ABCB4: variants seen among roughly 807,000 people sequenced by gnomAD.
The protein encoded by ABCB4 is ATP binding cassette subfamily B member 4, also known as phosphatidylcholine translocator ABCB4.
Under a neutral mutation model 145.7 loss-of-function variants are expected in ABCB4, and 76 were observed. The observed-to-expected ratio is 0.52, with a 90% confidence interval of 0.43 to 0.63. The LOEUF (loss-of-function observed/expected upper bound fraction) is 0.63, where lower values mean the gene tolerates loss of function less well. Among genes scored for constraint, ABCB4 ranks in the 30% least tolerant of loss-of-function variants. ABCB4 has a pLI of 0.00. For missense variants in ABCB4, 1,234 were observed against 1,553.1 expected, an observed-to-expected ratio of 0.79 and a Z score of 3.45; for synonymous variants, 517 against 566.8, an observed-to-expected ratio of 0.91 and a Z score of 1.25.
intron 3 of ABCB4, among the ~76,000 whole-genome samples, chr7:87,466,245 G>C (rs561939009): frequency 6.6e-6 from 1 of 152,308 alleles, no homozygotes; most frequent in South Asian, 2.1e-4. Flanking sequence ...AGAACTATGT[G>C]ACGAAAGCAC....
rs915137121 is a variant in ABCB4 at position 87,443,922 on chromosome 7, T to C, written c.1120-149A>G. ...AAACCCAAGATGAAGATTGTGTGTA[T>C]ATGTATGTGTGCTGTTTAAAGAAAT... On this transcript the variant is annotated intron_variant, in intron 10 of 27. Coordinates refer to ENST00000649586, the MANE Select transcript of ABCB4 (RefSeq NM_000443.4). 4 of 682,806 alleles carry C rather than the reference T, an allele frequency of 5.9e-6. No homozygotes were observed. The East Asian group carries it at 8.2e-5, about 14-fold the overall frequency. The allele number at this position is 682,806 out of a possible 1,614,324, so 42.3% of individuals were successfully genotyped here. A position where few individuals can be genotyped will look rare whatever the true frequency, so the allele number is the denominator to read the frequency against.
intron 23 of ABCB4, 58 bp from the exon 24 acceptor site, chr7:87,409,450 G>A: frequency 5.7e-6 from 9 of 1,574,202 alleles, no homozygotes; most frequent in Non-Finnish European, 7.8e-6. Context: ...CATGATGTTT[G>A]AAAGTCTAAA....
chr7:87,405,648 A>G (rs1034586938), intron 26 of ABCB4, among the ~76,000 whole-genome samples: 1 of 152,090 alleles, frequency 6.6e-6, no homozygotes, highest in African/African-American at 2.4e-5. Context: ...GATGGTCTCA[A>G]TCTCCTGACC....
chr7:87,389,041 A>G, the ABCB4 span, among the ~76,000 whole-genome samples: 1 of 152,270 alleles, frequency 6.6e-6, no homozygotes, highest in African/African-American at 2.4e-5. Flanking sequence ...ATCACTAGTC[A>G]TTAGAGAAAT....
At chr7:87,443,572 C>G in intron 11 of ABCB4, 91 bp downstream of exon 11, 1 of 1,522,916 alleles carries the variant, frequency 6.6e-7, no homozygotes, top group South Asian at 1.1e-5. Context: ...GGAAAAGGCA[C>G]ATAAGTATCA....
At chr7:87,458,787 A>G (rs987648098) in intron 4 of ABCB4, among the ~76,000 whole-genome samples, 1 of 152,176 alleles carries the variant, frequency 6.6e-6, no homozygotes, top group African/African-American at 2.4e-5. Context: ...ACATGGCTAC[A>G]GGGTACCAAG....
At chr7:87,377,739 C>T in the ABCB4 span, among the ~76,000 whole-genome samples, 2 of 151,902 alleles carry the variant, frequency 1.3e-5, no homozygotes, top group African/African-American at 4.8e-5. Flanking sequence ...GCTGAGAATA[C>T]CTATTTCAAA....
chr7:87,445,757 A>G (rs1811302612), intron 9 of ABCB4, among the ~76,000 whole-genome samples: 1 of 152,214 alleles, frequency 6.6e-6, no homozygotes, highest in African/African-American at 2.4e-5. Flanking sequence ...TCTATCCCCC[A>G]TCTGCAATAC....
the ABCB4 span, among the ~76,000 whole-genome samples, chr7:87,373,815 C>CA: frequency 1.7e-3 from 253 of 151,994 alleles, 2 homozygotes; most frequent in Admixed American, 5.0e-3. Flanking sequence ...AAGACACATT[C>CA]AGCAGTGTAA....
intron 8 of ABCB4, among the ~76,000 whole-genome samples, chr7:87,449,502 C>G (rs1811565023): frequency 6.6e-6 from 1 of 151,122 alleles, no homozygotes. Flanking sequence ...GGCTGGAGTT[C>G]AGCTCACTGC....
chr7:87,378,832 GT>G, the ABCB4 span, among the ~76,000 whole-genome samples: 1 of 152,138 alleles, frequency 6.6e-6, no homozygotes, highest in Non-Finnish European at 1.5e-5. Flanking sequence ...GTGGTGCTTG[GT>G]TGCCTAAAGA....
At chr7:87,468,904 C>G (rs1813133962) in intron 3 of ABCB4, among the ~76,000 whole-genome samples, 1 of 101,908 alleles carries the variant, frequency 9.8e-6, no homozygotes, top group Non-Finnish European at 1.9e-5. Flanking sequence ...ACAGTCCGGC[C>G]TGGGCGAAAC....
chr7:87,410,610 T>G (rs1808551866), intron 23 of ABCB4, among the ~76,000 whole-genome samples: 1 of 152,230 alleles, frequency 6.6e-6, no homozygotes, highest in Non-Finnish European at 1.5e-5. Flanking sequence ...ATACAATAAA[T>G]AGTTGTACTC....
At chr7:87,430,205 TA>T (rs1162907411) in intron 15 of ABCB4, among the ~76,000 whole-genome samples, 4 of 152,146 alleles carry the variant, frequency 2.6e-5, no homozygotes, top group African/African-American at 9.7e-5. Flanking sequence ...ACCAAATATC[TA>T]ACTTTAGAAA....
intron 21 of ABCB4, 80 bp from the exon 22 acceptor site, chr7:87,413,797 A>C (rs1336334011): frequency 1.1e-5 from 11 of 963,044 alleles, no homozygotes; most frequent in Non-Finnish European, 1.9e-5. Flanking sequence ...GGGCTCTGTC[A>C]AAAGTATCCT....
intron 3 of ABCB4, among the ~76,000 whole-genome samples, chr7:87,466,084 G>C (rs1325503333): frequency 6.6e-6 from 1 of 152,128 alleles, no homozygotes; most frequent in African/African-American, 2.4e-5. Context: ...GAAGGCTACA[G>C]ATGATCAAAC....
At chr7:87,396,711 A>G (rs1807538074), downstream of ABCB4, among the ~76,000 whole-genome samples, 1 of 152,146 alleles carries the variant, frequency 6.6e-6, no homozygotes, top group Non-Finnish European at 1.5e-5. Context: ...AAGTTGTTAA[A>G]TATAAAAACT....
the ABCB4 span, chr7:87,392,593 C>T: frequency 1.2e-6 from 2 of 1,613,276 alleles, no homozygotes; most frequent in Non-Finnish European, 1.7e-6. Context: ...AAAGATGTTA[C>T]AAGCTTTTGC....
the ABCB4 span, among the ~76,000 whole-genome samples, chr7:87,385,936 A>G: frequency 6.6e-6 from 1 of 152,192 alleles, no homozygotes; most frequent in Non-Finnish European, 1.5e-5. Context: ...TATTGAAATG[A>G]TTATAGGGTT....
Sources: gnomAD v4.1 joint callset for allele counts (sites outside exome capture counted in the v4.1 genomes callset) on GRCh38, gnomAD v4.1.1 for gene constraint, MANE v1.5 for transcripts, NCBI Gene and HGNC (gene_info 2026-07-23, HGNC 2026-07-21) for gene names.